TMEM145: variants seen among roughly 807,000 people sequenced by gnomAD.
TMEM145 encodes transmembrane protein 145.
A neutral mutation model predicts 68.5 loss-of-function variants in TMEM145; 46 were observed. The ratio of observed to expected loss-of-function variants is 0.67; its 90% confidence interval spans 0.53 to 0.86. The LOEUF (loss-of-function observed/expected upper bound fraction) is 0.86. Among genes scored for constraint, TMEM145 ranks in the 40% least tolerant of loss-of-function variants. The pLI is 0.00. For synonymous variants in TMEM145, 255 were observed against 280.2 expected, an observed-to-expected ratio of 0.91 and a Z score of 0.90; for missense variants, 570 against 645.8, an observed-to-expected ratio of 0.88 and a Z score of 1.27.
At position 42,314,792 on chromosome 19, in the gene TMEM145, G is replaced by A. The variant is rs377585079; in HGVS notation, c.361G>A (p.Val121Met). 1 of 1,614,224 alleles carries A rather than the reference G, an allele frequency of 6.2e-7. No homozygotes were observed. The change falls in exon 5 of 15, where the codon GTG (valine) becomes ATG (methionine). Residue 121 changes from valine to methionine, a missense_variant and splice_region_variant. Physicochemically the swap from Val to Met is conservative, Grantham distance 21. Coordinates refer to ENST00000301204, the MANE Select transcript of TMEM145 (RefSeq NM_173633.3). The part of the protein sequence containing the change: ...TTQYAWSGCQ[V>M]VSEEGTRYLS... Reference sequence around the variant, plus strand: ...CTTCAGCCTTCTCGTTTGTCCCCAGGTGGTATCAGAGGAGGGAACCCGCTA... The same window carrying A: ...CTTCAGCCTTCTCGTTTGTCCCCAGATGGTATCAGAGGAGGGAACCCGCTA...
chr19:42,324,119 C>G (rs2038942528), intron 14 of TMEM145, among the ~76,000 whole-genome samples: 1 of 151,484 alleles, frequency 6.6e-6, no homozygotes, highest in African/African-American at 2.4e-5. Context: ...AGTACCTGGC[C>G]CCGCTGCCCA....
chr19:42,324,901 T>C lies in TMEM145; in HGVS notation c.*84T>C. ...GGACTCTGCGACCCCGGGATGGATA[T>C]TGCGATGCTGGTCTCGACCCTGAAA... On this transcript the variant is annotated 3_prime_UTR_variant, in exon 15 of 15. Coordinates refer to ENST00000301204, the MANE Select transcript of TMEM145 (RefSeq NM_173633.3). The C allele has an allele frequency of 1.5e-6, 2 of 1,373,422 alleles. No individual in the cohort carries two copies. Among genetic ancestry groups the C allele is most frequent in the Non-Finnish European group, 1.9e-6 (2 of 1,064,490 alleles). The allele number at this position is 1,373,422 out of a possible 1,614,324, so 85.1% of individuals were successfully genotyped here.
In TMEM145 at chr19:42,315,240, C is replaced by G; in HGVS notation, c.558C>G (p.Phe186Leu). 2 of 1,607,910 alleles carry G rather than the reference C, an allele frequency of 1.2e-6. No individual in the cohort carries two copies. Among genetic ancestry groups the G allele is most frequent in the Non-Finnish European group, 8.5e-7 (1 of 1,175,782 alleles). ...TFLLIFILIF[F>L]LSCYFGYLLK... ...TCCTCATCTTCATCCTCATCTTCTT[C>G]CTCTCTTGTTACTTTGGATGTGAGT... Residue 186 changes from phenylalanine (F) to leucine (L), a missense_variant, in exon 7 of 15, where the codon TTC becomes TTG. By Grantham distance (22) the Phe-to-Leu change is conservative. Coordinates refer to ENST00000301204, the MANE Select transcript of TMEM145 (RefSeq NM_173633.3).
chr19:42,316,091 G>A (rs1476085849), intron 8 of TMEM145, among the ~76,000 whole-genome samples: 1 of 151,902 alleles, frequency 6.6e-6, no homozygotes, highest in Non-Finnish European at 1.5e-5. Context: ...TGGGGGAGGA[G>A]GGGCTGGGAG....
chr19:42,316,387 G>C, intron 8 of TMEM145, 94 bp from the exon 9 acceptor site: 1 of 1,202,096 alleles, frequency 8.3e-7, no homozygotes, highest in Non-Finnish European at 1.2e-6. Flanking sequence ...TAAGGGAGGA[G>C]GCGGGATTCA....
In TMEM145 at chr19:42,313,566, G is replaced by T; in HGVS notation, c.120+70G>T. ...GACGCAAGGGAGGCGAGGGGAGCGG[G>T]TACCGCCTCGCCCCCTGCCGCCCCT... On this transcript the variant is annotated intron_variant, in intron 1 of 14. Transcript: ENST00000301204. The surrounding 1 kb of genome is among the most constrained non-coding windows in gnomAD (Gnocchi z 5.1). 2 of 1,169,540 alleles carry T rather than the reference G, an allele frequency of 1.7e-6. No homozygotes were observed. Among genetic ancestry groups the T allele is most frequent in the Non-Finnish European group, 1.1e-6 (1 of 922,446 alleles). The allele number at this position is 1,169,540 out of a possible 1,614,324, so 72.4% of individuals were successfully genotyped here. A position where few individuals can be genotyped will look rare whatever the true frequency, so the allele number is the denominator to read the frequency against.
intron 8 of TMEM145, among the ~76,000 whole-genome samples, chr19:42,315,677 C>T (rs948217019): frequency 6.6e-6 from 1 of 150,986 alleles, no homozygotes; most frequent in Non-Finnish European, 1.5e-5. Context: ...GACCTGGACC[C>T]CTGGTTCCTG....
At position 42,313,457 on chromosome 19, in the gene TMEM145, C is replaced by T; in HGVS notation, c.81C>T (p.Ala27=). The T allele has an allele frequency of 7.3e-7, 1 of 1,368,846 alleles. No homozygotes were observed. The highest frequency in any genetic ancestry group is 9.5e-7 in the Non-Finnish European group (1 of 1,057,182). 84.8% of individuals were successfully genotyped at this position (1,368,846 alleles called of 1,614,324 possible). ...LLLLLSLPPR[A]RAKYVRGNLS... ...TGCTGCTGTCACTGCCCCCCCGCGC[C>T]CGGGCCAAGTACGTGCGGGGCAACC... Residue 27 remains alanine, a synonymous_variant, in exon 1 of 15, where the codon GCC becomes GCT. Coordinates refer to ENST00000301204, the MANE Select transcript of TMEM145 (RefSeq NM_173633.3). The surrounding 1 kb of genome is among the most constrained non-coding windows in gnomAD (Gnocchi z 5.1).
At chr19:42,324,075 G>C (rs1166494088) in intron 14 of TMEM145, among the ~76,000 whole-genome samples, 1 of 151,182 alleles carries the variant, frequency 6.6e-6, no homozygotes, top group Non-Finnish European at 1.5e-5. Context: ...GCCGCCGCCG[G>C]AGTTCGCCCC....
At chr19:42,317,656 C>T in intron 11 of TMEM145, 53 bp from the exon 12 acceptor site, 1 of 1,601,852 alleles carries the variant, frequency 6.2e-7, no homozygotes, top group Non-Finnish European at 8.5e-7. Flanking sequence ...GTCCGGGGAC[C>T]CTAATAGAGG....
intron 13 of TMEM145, chr19:42,320,984 A>G: frequency 2.5e-6 from 1 of 398,626 alleles, no homozygotes; most frequent in Non-Finnish European, 4.4e-6. Flanking sequence ...TTCTTTCCTC[A>G]ACCCCCATCC....
chr19:42,324,560 A>G (rs2038950863), intron 14 of TMEM145, 177 bp from the exon 15 acceptor site: 1 of 984,340 alleles, frequency 1.0e-6, no homozygotes, highest in African/African-American at 1.8e-5. Flanking sequence ...ATGGGCCATG[A>G]CCGGGCCCCG....
At chr19:42,315,104 G>A (rs750807330) in intron 6 of TMEM145, 27 bp downstream of exon 6, 1 of 1,614,070 alleles carries the variant, frequency 6.2e-7, no homozygotes, top group African/African-American at 1.3e-5. Flanking sequence ...CTAGAAACCA[G>A]GCTCTCTGTG....
chr19:42,320,333 G>T lies in TMEM145; in HGVS notation c.1090G>T (p.Val364Phe). ...CCCCTTCAGGTTCTTTGCGGTTCCTGTCATGGCCCTGATTGCCAATTTCGG... is the reference window on the plus strand; with the variant it reads ...CCCCTTCAGGTTCTTTGCGGTTCCTTTCATGGCCCTGATTGCCAATTTCGG... ...AYTLWFFAVPVMALIANFGIP... is the reference protein window; with the variant it reads ...AYTLWFFAVPFMALIANFGIP... Residue 364 changes from valine to phenylalanine, a missense_variant, in exon 13 of 15, where the codon GTC becomes TTC. Transcript: ENST00000301204. The T allele has an allele frequency of 6.2e-7, 1 of 1,614,092 alleles. No individual in the cohort carries two copies. The highest frequency in any genetic ancestry group is 8.5e-7 in the Non-Finnish European group (1 of 1,180,030).
At position 42,323,595 on chromosome 19, in the gene TMEM145, C is replaced by G. The variant is rs1388603478; in HGVS notation, c.1207C>G (p.Pro403Ala). ...GCCCTGGCCTCAGATCATGACCCGC[C>G]CATCAGCGGCCAACAAGAACTTCCC... ...AHGVFLIMTRPSAANKNFPYH... is the reference protein window; with the variant it reads ...AHGVFLIMTRASAANKNFPYH... The change falls in exon 14 of 15, where the codon CCA becomes GCA. Residue 403 changes from proline (P) to alanine (A), a missense_variant. Pro to Ala is a conservative substitution (Grantham distance 27). Coordinates refer to ENST00000301204, the MANE Select transcript of TMEM145 (RefSeq NM_173633.3). The G allele has an allele frequency of 6.2e-7, 1 of 1,614,006 alleles. No individual in the cohort carries two copies. Among genetic ancestry groups the G allele is most frequent in the South Asian group, 1.1e-5 (1 of 91,080 alleles).
chr19:42,319,505 G>A (rs929364684), intron 12 of TMEM145, among the ~76,000 whole-genome samples: 1 of 152,144 alleles, frequency 6.6e-6, no homozygotes, highest in Admixed American at 6.5e-5. Context: ...GGAGTGCAGT[G>A]GCACGATCTC....
Position 42,315,169 on chromosome 19 carries a change from C to T in TMEM145, c.506-19C>T, listed in dbSNP as rs752719460. ...GACATCCACCTGAATGAACCTTACTCCTCCTACCAAATCGGCAGGGATCCT... is the reference window on the plus strand; with the variant it reads ...GACATCCACCTGAATGAACCTTACTTCTCCTACCAAATCGGCAGGGATCCT... On this transcript the variant is annotated intron_variant, in intron 6 of 14. Coordinates refer to ENST00000301204, the MANE Select transcript of TMEM145 (RefSeq NM_173633.3). 5.2e-5 allele frequency: 84 copies of T among 1,612,660 alleles called. No individual in the cohort carries two copies. Among genetic ancestry groups the T allele is most frequent in the Middle Eastern group, 5.0e-4 (3 of 6,058 alleles).
At chr19:42,314,175 C>A in intron 1 of TMEM145, 97 bp from the exon 2 acceptor site, 2 of 1,342,574 alleles carry the variant, frequency 1.5e-6, no homozygotes, top group Non-Finnish European at 2.1e-6. Flanking sequence ...ACTTGGGAAG[C>A]CAGGTACCTG....
At chr19:42,314,585 G>T in intron 3 of TMEM145, 28 bp from the exon 4 acceptor site, 1 of 1,614,142 alleles carries the variant, frequency 6.2e-7, no homozygotes, top group Non-Finnish European at 8.5e-7. Flanking sequence ...GCTGGCCGGG[G>T]GAGTGACCCT....
Sources: allele counts gnomAD v4.1 joint callset (sites outside exome capture counted in the v4.1 genomes callset), GRCh38; gene constraint gnomAD v4.1.1; non-coding constraint Gnocchi (gnomAD v3.1); transcripts MANE v1.5; gene names NCBI Gene and HGNC (gene_info 2026-07-23, HGNC 2026-07-21).